Variants in HDAC6 observed in about 807,000 individuals in gnomAD.
HDAC6 encodes histone deacetylase 6, also known as protein deacetylase HDAC6.
HDAC6 carries 5 observed loss-of-function variants against 88.9 expected under a neutral mutation model. The ratio of observed to expected loss-of-function variants is 0.06; its 90% CI spans 0.03 to 0.12. The LOEUF (loss-of-function observed/expected upper bound fraction) is 0.12, where lower values mean the gene tolerates loss of function less well. HDAC6 is among the 10% of genes least tolerant of loss of function. The pLI, the probability that HDAC6 is intolerant of heterozygous loss-of-function variation, is 1.00. For synonymous variants in HDAC6, 378 were observed against 398.0 expected (o/e 0.95, Z 0.60); for missense variants, 706 against 1,014.4 (o/e 0.70, Z 4.13).
intron 1 of HDAC6, 41 bp from the exon 2 acceptor site, chrX:48,802,622 C>T: frequency 8.6e-7 from 1 of 1,165,286 alleles, no homozygotes. Context: ...TCAGGGCACA[C>T]TAGCCCCCTC....
Position 48,803,142 on chromosome X carries a change from G to C in HDAC6, c.237G>C (p.Glu79Asp). ...VGLQGMDLNL[E>D]AEALAGTGLV... ...TTCCTCTGCAGGATCTGAACCTTGA[G>C]GCTGAAGCACTGGCTGGCACTGGCT... Residue 79 changes from glutamate (E) to aspartate (D), a missense_variant, in exon 4 of 29, where the codon GAG (glutamate) becomes GAC (aspartate). Transcript: ENST00000334136. The C allele has an allele frequency of 1.7e-6, 2 of 1,210,499 alleles. No individual in the cohort carries two copies. Among genetic ancestry groups the C allele is most frequent in the Non-Finnish European group, 2.2e-6 (2 of 894,706 alleles).
chrX:48,823,408 A>G lies in HDAC6; in HGVS notation c.3009A>G (p.Thr1003=). The G allele has an allele frequency of 8.3e-7, 1 of 1,210,026 alleles. No homozygotes were observed. Among genetic ancestry groups the G allele is most frequent in the Admixed American group, 2.2e-5 (1 of 45,890 alleles). ...CGGAGGCAGCCATGGAGGGAGCCACACTGGACCAGACTACGTCAGAGGAGG... is the reference window on the plus strand; with the variant it reads ...CGGAGGCAGCCATGGAGGGAGCCACGCTGGACCAGACTACGTCAGAGGAGG... ...TTSEAAMEGA[T]LDQTTSEEAP... is the part of the protein sequence containing the mutation. Residue 1003 remains threonine (T), a synonymous_variant, in exon 25 of 29, where the codon ACA becomes ACG. Coordinates refer to ENST00000334136, the MANE Select transcript of HDAC6 (RefSeq NM_006044.4).
In HDAC6 at chrX:48,823,186, T is replaced by C; in HGVS notation, c.2787T>C (p.Ile929=). The C allele has an allele frequency of 1.7e-6, 2 of 1,204,399 alleles. No homozygotes were observed. Among genetic ancestry groups the C allele is most frequent in the Non-Finnish European group, 2.2e-6 (2 of 892,271 alleles). ...CCCAGACCATTTCTGAGGCAGCCAT[T>C]GGGGGAGCCATGCTGGGCCAGACCA... ...TLAQTISEAA[I]GGAMLGQTTS... The change falls in exon 25 of 29, where the codon ATT becomes ATC. Residue 929 remains isoleucine, a synonymous_variant. Transcript: ENST00000334136.
chrX:48,816,555 C>T lies in HDAC6; in HGVS notation c.1713C>T (p.Ile571=). ...GTTCCAACTTTGACTCCATCTATATCTGCCCCAGTACCTTCGCCTGTGCAC... is the reference window on the plus strand; with the variant it reads ...GTTCCAACTTTGACTCCATCTATATTTGCCCCAGTACCTTCGCCTGTGCAC... ...RESSNFDSIY[I]CPSTFACAQL... The change falls in exon 19 of 29, where the codon ATC becomes ATT. Residue 571 remains isoleucine, a synonymous_variant. Coordinates refer to ENST00000334136, the MANE Select transcript of HDAC6 (RefSeq NM_006044.4). 2 of 1,209,136 alleles carry T rather than the reference C, an allele frequency of 1.7e-6. No homozygotes were observed. The highest frequency in any genetic ancestry group is 2.2e-6 in the Non-Finnish European group (2 of 894,559).
chrX:48,824,465 T>G, intron 28 of HDAC6, 79 bp from the exon 29 acceptor site: 1 of 1,077,501 alleles, frequency 9.3e-7, no homozygotes, highest in Non-Finnish European at 1.3e-6. Flanking sequence ...GGTTGAGGGC[T>G]GGAGTGGGGG....
chrX:48,804,769 T>G (rs1370016848), intron 4 of HDAC6, among the ~76,000 whole-genome samples: 4 of 110,929 alleles, frequency 3.6e-5, no homozygotes, highest in Admixed American at 1.9e-4. Flanking sequence ...GAAGAAGCAG[T>G]AAAGGGAGGA....
chrX:48,815,846 A>G, intron 16 of HDAC6, 38 bp from the exon 17 acceptor site: 1 of 1,191,585 alleles, frequency 8.4e-7, no homozygotes, highest in Non-Finnish European at 1.1e-6. Context: ...GGGGATTCAG[A>G]TTGAGAGGGT....
intron 7 of HDAC6, 36 bp downstream of exon 7, chrX:48,806,500 C>T (rs1432980171): frequency 9.2e-6 from 10 of 1,091,229 alleles, no homozygotes; most frequent in Non-Finnish European, 1.3e-5. Flanking sequence ...GGAATGGTGG[C>T]AATCTTGGGG....
chrX:48,802,824 G>A lies in HDAC6; in HGVS notation c.93+39G>A, dbSNP rs782225124. ...CCCGCCCTGATGAGGGGGAGAGGGA[G>A]CAAGTTGGTCATGCCCTGGACTCTG... On this transcript the variant is annotated intron_variant, in intron 2 of 28. Transcript: ENST00000334136. 5.0e-6 allele frequency: 6 copies of A among 1,207,602 alleles called. No individual in the cohort carries two copies. The South Asian group carries it at 7.1e-5, about 14-fold the overall frequency.
chrX:48,818,379 C>T lies in HDAC6; in HGVS notation c.2154C>T (p.Ala718=), dbSNP rs1557028521. The change falls in exon 22 of 29, where the codon GCC becomes GCT. Residue 718 remains alanine (A), a synonymous_variant. Transcript: ENST00000334136. ...TGGGTGATGCTGACTACCTAGCTGC[C>T]TGGCATCGCCTGGTGCTTCCCATTG... ...PRMGDADYLA[A]WHRLVLPIAY... 1 of 1,183,820 alleles carries T rather than the reference C, an allele frequency of 8.4e-7. No individual in the cohort carries two copies. The highest frequency in any genetic ancestry group is 2.3e-5 in the Admixed American group (1 of 43,239).
In HDAC6 at chrX:48,823,305, A is replaced by T; in HGVS notation, c.2906A>T (p.Asp969Val). 8.3e-7 allele frequency: 1 copy of T among 1,200,793 alleles called. No individual in the cohort carries two copies. The highest frequency in any genetic ancestry group is 1.1e-6 in the Non-Finnish European group (1 of 889,886). The change falls in exon 25 of 29, where the codon GAT (aspartate) becomes GTT (valine). Residue 969 changes from aspartate to valine, a missense_variant. Transcript: ENST00000334136. The part of the protein sequence containing the change: ...GAILDQTTSE[D>V]AVGGATLGQT... ...ATTCTGGACCAGACCACCTCAGAGG[A>T]TGCTGTTGGGGGAGCCACGCTGGGC...
chrX:48,816,231 G>T lies in HDAC6; in HGVS notation c.1584G>T (p.Pro528=), dbSNP rs781831075. ...CCGGGCGCTGCCTCACCCTGACACC[G>T]CGCCCTGCCACAGAGGCTGAGCTGC... ...GLAGRCLTLT[P]RPATEAELLT... Residue 528 remains proline (P), a synonymous_variant, in exon 18 of 29, where the codon CCG becomes CCT. Coordinates refer to ENST00000334136, the MANE Select transcript of HDAC6 (RefSeq NM_006044.4). The T allele has an allele frequency of 3.0e-5, 36 of 1,209,626 alleles. No individual in the cohort carries two copies. Among genetic ancestry groups the T allele is most frequent in the Non-Finnish European group, 3.7e-5 (33 of 895,177 alleles).
chrX:48,823,749 G>A lies in HDAC6; in HGVS notation c.3267G>A (p.Ser1089=), dbSNP rs372464158. The change falls in exon 26 of 29, where the codon TCG becomes TCA. Residue 1089 remains serine (S), a synonymous_variant. Transcript: ENST00000334136. ...EAAGGQDMAD[S]MLMQGSRGLT... ...CTGGAGGTCAGGACATGGCTGATTC[G>A]ATGCTGATGCAGGGATCTAGGGGCC... The A allele has an allele frequency of 5.0e-6, 6 of 1,207,460 alleles. No individual in the cohort carries two copies. Among genetic ancestry groups the A allele is most frequent in the Non-Finnish European group, 6.7e-6 (6 of 893,374 alleles).
Position 48,824,898 on chromosome X carries a change from G to A in HDAC6, c.*286G>A. 1.8e-6 allele frequency: 2 copies of A among 1,099,627 alleles called. No individual in the cohort carries two copies. Among genetic ancestry groups the A allele is most frequent in the Non-Finnish European group, 2.4e-6 (2 of 837,416 alleles). The allele number at this position is 1,099,627 out of a possible 1,213,427, so 90.6% of individuals were successfully genotyped here. A position where few individuals can be genotyped will look rare whatever the true frequency, so the allele number is the denominator to read the frequency against. On this transcript the variant is annotated 3_prime_UTR_variant, in exon 29 of 29. Coordinates refer to ENST00000334136, the MANE Select transcript of HDAC6 (RefSeq NM_006044.4). ...CCCCAAGAGGGAGCTGATATCATGAGGATAACATTGGCGGGAGGGGAGTTA... is the reference window on the plus strand; with the variant it reads ...CCCCAAGAGGGAGCTGATATCATGAAGATAACATTGGCGGGAGGGGAGTTA...
At position 48,806,108 on chromosome X, in the gene HDAC6, G is replaced by A. The variant is rs113247595; in HGVS notation, c.438-260G>A. 938 of 369,226 alleles carry A rather than the reference G, an allele frequency of 2.5e-3. 6 individuals carry two copies. Among genetic ancestry groups the A allele is most frequent in the African/African-American group, 0.021 (840 of 39,343 alleles). 30.4% of individuals were successfully genotyped at this position (369,226 alleles called of 1,213,427 possible). A position where few individuals can be genotyped will look rare whatever the true frequency, so the allele number is the denominator to read the frequency against. On this transcript the variant is annotated intron_variant, in intron 6 of 28. Transcript: ENST00000334136. ...TGAGTCAGATGAAGAGGGTGACTGA[G>A]GGAAGGGAAGAACAGACAGCTGAAC...
At position 48,806,684 on chromosome X, in the gene HDAC6, C is replaced by T. The variant is rs2062824009; in HGVS notation, c.610C>T (p.Arg204Trp). 1 of 1,201,294 alleles carries T rather than the reference C, an allele frequency of 8.3e-7. No individual in the cohort carries two copies. The highest frequency in any genetic ancestry group is 1.1e-6 in the Non-Finnish European group (1 of 886,698). Residue 204 changes from arginine (R) to tryptophan (W), a missense_variant, in exon 8 of 29, where the codon CGG (arginine) becomes TGG (tryptophan). Transcript: ENST00000334136. Reference sequence around the variant, plus strand: ...GGATGCGGTCCTGGGGGCTGAGATCCGGAATGGCATGGCCATCATTAGGTA... The same window carrying T: ...GGATGCGGTCCTGGGGGCTGAGATCTGGAATGGCATGGCCATCATTAGGTA... ...LVDAVLGAEI[R>W]NGMAIIRPPG...
Position 48,802,914 on chromosome X carries a change from A to G in HDAC6, c.137A>G (p.Asn46Ser), listed in dbSNP as rs782651797. 16 of 1,209,001 alleles carry G rather than the reference A, an allele frequency of 1.3e-5. 1 individual carries two copies. Among genetic ancestry groups the G allele is most frequent in the Middle Eastern group, 2.3e-4 (1 of 4,353 alleles). The change falls in exon 3 of 29, where the codon AAT (asparagine) becomes AGT (serine). Residue 46 changes from asparagine (N) to serine (S), a missense_variant. Around this residue, in one of 9 missense-constraint regions of HDAC6, gnomAD observed 193 missense variants for 258.2 expected, o/e 0.75. Coordinates refer to ENST00000334136, the MANE Select transcript of HDAC6 (RefSeq NM_006044.4). The part of the protein sequence containing the change: ...KKGAVPRSIP[N>S]LAEVKKKGKM... ...GGAGCCGTTCCCCGCTCTATCCCCA[A>G]TCTAGCGGAGGTAAAGAAGAAAGGC...
chrX:48,801,890 T>A (rs1557022404), upstream of HDAC6: 2 of 971,947 alleles, frequency 2.1e-6, no homozygotes, highest in Admixed American at 3.0e-5. Flanking sequence ...AGAAACTTGG[T>A]GGAGCGAGCC....
At chrX:48,802,428 AAG>A (rs2062740763) in intron 1 of HDAC6, 1 of 963,173 alleles carries the variant, frequency 1.0e-6, no homozygotes. Context: ...AGACCAGGGA[AAG>A]AGAATCGTGT....
Sources: gnomAD v4.1 joint callset for allele counts (sites outside exome capture counted in the v4.1 genomes callset) on GRCh38, gnomAD v4.1.1 for gene constraint, gnomAD v4.1.1 regional missense constraint, MANE v1.5 for transcripts, NCBI Gene and HGNC (gene_info 2026-07-23, HGNC 2026-07-21) for gene names.